Variants in B3GAT2 observed in about 807,000 individuals in gnomAD.
B3GAT2 encodes galactosylgalactosylxylosylprotein 3-beta-glucuronosyltransferase 2.
In B3GAT2, 26 loss-of-function variants were observed where a neutral mutation model predicts 27.8. The observed-to-expected ratio is 0.93, with a 90% CI of 0.68 to 1.30. B3GAT2 has a LOEUF of 1.30. Among genes scored for constraint, B3GAT2 ranks in the 50% most tolerant of loss-of-function variants. The pLI, the probability that B3GAT2 is intolerant of heterozygous loss-of-function variation, is 0.00. For synonymous variants in B3GAT2, 218 were observed against 195.1 expected (o/e 1.12, Z -0.98); for missense variants, 458 against 459.0 (o/e 1.00, Z 0.02).
At chr6:70,900,708 A>G (rs1772483991) in intron 1 of B3GAT2, among the ~76,000 whole-genome samples, 1 of 152,214 alleles carries the variant, frequency 6.6e-6, no homozygotes. Context: ...TGGAACACTC[A>G]GAAGATCACA....
In B3GAT2 at chr6:70,861,366, TATACTCAAG is replaced by T. The variant is rs1450412370; in HGVS notation, c.*288_*296del. The T allele has an allele frequency of 1.1e-5, 3 of 275,980 alleles. No homozygotes were observed. The highest frequency in any genetic ancestry group is 2.1e-5 in the Non-Finnish European group (3 of 145,534). 17.1% of individuals were successfully genotyped at this position (275,980 alleles called of 1,614,324 possible). On this transcript the variant is annotated 3_prime_UTR_variant, in exon 4 of 4. Transcript: ENST00000230053. Reference sequence around the variant, plus strand: ...GCAAATTGGAGAAAAAGAAAAAATATATACTCAAGAGTGGTATCTTGCAGTATCGGCACT... The same window carrying T: ...GCAAATTGGAGAAAAAGAAAAAATATAGTGGTATCTTGCAGTATCGGCACT...
chr6:70,861,789 T>C (rs1365424435), intron 3 of B3GAT2, 40 bp from the exon 4 acceptor site: 1 of 1,614,068 alleles, frequency 6.2e-7, no homozygotes. Flanking sequence ...GCACTCTTCA[T>C]GGTGACACTC....
chr6:70,870,379 C>T (rs1223513011), intron 2 of B3GAT2, among the ~76,000 whole-genome samples: 3 of 115,028 alleles, frequency 2.6e-5, no homozygotes, highest in Non-Finnish European at 5.0e-5. Context: ...CATCACACAC[C>T]AGGGACTGTT....
chr6:70,899,800 C>G (rs1772464565), intron 1 of B3GAT2, among the ~76,000 whole-genome samples: 1 of 152,174 alleles, frequency 6.6e-6, no homozygotes, highest in South Asian at 2.1e-4. Context: ...AATCTATGCT[C>G]TTTGAGGATT....
chr6:70,893,752 T>C (rs1332897436), intron 2 of B3GAT2, among the ~76,000 whole-genome samples: 2 of 152,266 alleles, frequency 1.3e-5, no homozygotes, highest in East Asian at 3.9e-4. Flanking sequence ...TTTTAATATA[T>C]CAGTCTTCTA....
chr6:70,894,179 C>G lies in B3GAT2; in HGVS notation c.685G>C (p.Gly229Arg), dbSNP rs367693161. 2.5e-5 allele frequency: 40 copies of G among 1,613,564 alleles called. No homozygotes were observed. In the African/African-American group the frequency reaches 4.7e-4, roughly 19 times the overall value. ...TCTGCTCTCCAGCCGGTGTACCAGC[C>G]AACAACTTTGCCGTTTTCCACCAGC... is the stretch of plus-strand genomic sequence containing the variant. ...RPLVENGKVV[G>R]WYTGWRADRP... The change falls in exon 2 of 4, where the codon GGC (glycine) becomes CGC (arginine). Residue 229 changes from glycine (G) to arginine (R), a missense_variant. By Grantham distance (125) the Gly-to-Arg change is moderately radical. Coordinates refer to ENST00000230053, the MANE Select transcript of B3GAT2 (RefSeq NM_080742.3).
At chr6:70,929,734 G>A (rs1773029079) in intron 1 of B3GAT2, among the ~76,000 whole-genome samples, 1 of 152,174 alleles carries the variant, frequency 6.6e-6, no homozygotes, top group South Asian at 2.1e-4. Context: ...TTATGGATAG[G>A]AAGAATCAGT....
chr6:70,890,170 G>T (rs1480626273), intron 2 of B3GAT2, among the ~76,000 whole-genome samples: 1 of 151,976 alleles, frequency 6.6e-6, no homozygotes, highest in Non-Finnish European at 1.5e-5. Context: ...ATCCAATAAC[G>T]GAATTCATCA....
At chr6:70,910,418 T>C (rs1010608667) in intron 1 of B3GAT2, among the ~76,000 whole-genome samples, 1 of 152,232 alleles carries the variant, frequency 6.6e-6, no homozygotes, top group African/African-American at 2.4e-5. Flanking sequence ...AGTTAGAACA[T>C]GCAGCATTTG....
At chr6:70,920,067 G>T (rs527587946) in intron 1 of B3GAT2, among the ~76,000 whole-genome samples, 1 of 152,308 alleles carries the variant, frequency 6.6e-6, no homozygotes, top group Admixed American at 6.5e-5. Flanking sequence ...TCCAGTTCAA[G>T]CTTCCCTGCT....
chr6:70,859,412 AGTAG>A lies in B3GAT2; in HGVS notation c.*2247_*2250del. 1 of 1,545,476 alleles carries A rather than the reference AGTAG, an allele frequency of 6.5e-7. No homozygotes were observed. Among genetic ancestry groups the A allele is most frequent in the East Asian group, 2.4e-5 (1 of 40,846 alleles). ...TGACAAGGTGGTTAAAATGTCCTTTAGTAGGTATGAAGACGTGATCTGCTTCTTC... is the reference window on the plus strand; with the variant it reads ...TGACAAGGTGGTTAAAATGTCCTTTAGTATGAAGACGTGATCTGCTTCTTC... On this transcript the variant is annotated 3_prime_UTR_variant, in exon 4 of 4. Transcript: ENST00000230053.
chr6:70,858,017 C>T lies in B3GAT2; in HGVS notation c.*3646G>A, dbSNP rs756406717. ...GATGGGCGTGCCTGTGCCTGCAGCT[C>T]CTGGCCTTATAGGAAATGTGATGGG... On this transcript the variant is annotated 3_prime_UTR_variant, in exon 4 of 4. Coordinates refer to ENST00000230053, the MANE Select transcript of B3GAT2 (RefSeq NM_080742.3). 1.9e-6 allele frequency: 3 copies of T among 1,614,118 alleles called. No homozygotes were observed. The highest frequency in any genetic ancestry group is 2.2e-5 in the East Asian group (1 of 44,868).
rs6937704 is a variant in B3GAT2 at position 70,896,360 on chromosome 6, C to T, written c.592-2088G>A. Among the ~76,000 whole-genome samples, 604 of 152,186 alleles carry T rather than the reference C, an allele frequency of 4.0e-3. 8 individuals are homozygous for T. The highest frequency in any genetic ancestry group is 0.014 in the African/African-American group (592 of 41,512). On this transcript the variant is annotated intron_variant, in intron 1 of 3. Coordinates refer to ENST00000230053, the MANE Select transcript of B3GAT2 (RefSeq NM_080742.3). ...GAGTGCTACAGGTCCTAGTAAACCA[C>T]CAAACAGGGTTGTCTTGGGATCCCT...
intron 1 of B3GAT2, among the ~76,000 whole-genome samples, chr6:70,937,944 G>C (rs1443017958): frequency 6.6e-6 from 1 of 151,544 alleles, no homozygotes; most frequent in Non-Finnish European, 1.5e-5. Flanking sequence ...ATTCAATTAG[G>C]AAAAGAGGGA....
At chr6:70,947,411 C>T (rs1048777850) in intron 1 of B3GAT2, among the ~76,000 whole-genome samples, 6 of 152,116 alleles carry the variant, frequency 3.9e-5, no homozygotes, top group African/African-American at 1.4e-4. Context: ...CACCACCGAT[C>T]CCACAGAAAT....
chr6:70,879,079 A>C (rs1408959362), intron 2 of B3GAT2, among the ~76,000 whole-genome samples: 1 of 152,208 alleles, frequency 6.6e-6, no homozygotes, highest in Non-Finnish European at 1.5e-5. Flanking sequence ...TAATTGTTAA[A>C]ATTGCCACTT....
At chr6:70,954,318 A>G (rs1425249204) in intron 1 of B3GAT2, among the ~76,000 whole-genome samples, 1 of 152,222 alleles carries the variant, frequency 6.6e-6, no homozygotes, top group Admixed American at 6.5e-5. Flanking sequence ...ACCATACTAT[A>G]CAATGCCAAG....
rs911260630 is a variant in B3GAT2, at chr6:70,929,870, A to G, written c.591+25969T>C. Among the ~76,000 whole-genome samples, 4 of 152,224 alleles carry G rather than the reference A, an allele frequency of 2.6e-5. No homozygotes were observed. In the East Asian group the frequency reaches 7.7e-4, roughly 29 times the overall value. On this transcript the variant is annotated intron_variant, in intron 1 of 3. Transcript: ENST00000230053. ...TAAAGTTCATATGGAACCAAAAAAGAGCCCACATTGCCAAGACAATCCTAA... is the reference window on the plus strand; with the variant it reads ...TAAAGTTCATATGGAACCAAAAAAGGGCCCACATTGCCAAGACAATCCTAA...
chr6:70,861,987 A>G lies in B3GAT2; in HGVS notation c.737-9T>C. 1.3e-6 allele frequency: 2 copies of G among 1,570,698 alleles called. No homozygotes were observed. The highest frequency in any genetic ancestry group is 1.7e-6 in the Non-Finnish European group (2 of 1,163,930). On this transcript the variant is annotated splice_polypyrimidine_tract_variant and intron_variant, in intron 2 of 3. Transcript: ENST00000230053. Reference sequence around the variant, plus strand: ...AAGACTTACAGCAAATCCTTTGTGAAAAATAAAAAAAAAAAAGAGACTTTA... The same window carrying G: ...AAGACTTACAGCAAATCCTTTGTGAGAAATAAAAAAAAAAAAGAGACTTTA...
Sources: allele counts gnomAD v4.1 joint callset (sites outside exome capture counted in the v4.1 genomes callset), GRCh38; gene constraint gnomAD v4.1.1; transcripts MANE v1.5; gene names NCBI Gene and HGNC (gene_info 2026-07-23, HGNC 2026-07-21).